Variants in PVT1 observed in about 807,000 individuals in gnomAD.
The protein encoded by PVT1 is Pvt1 oncogene, also known as CXCR4/PVT1 fusion.
At chr8:127,957,393 C>G (rs1361595093) in intron 3 of PVT1, among the ~76,000 whole-genome samples, 1 of 151,856 alleles carries the variant, frequency 6.6e-6, no homozygotes, top group African/African-American at 2.4e-5. Context: ...ATGGTGAAAC[C>G]CCATCTCTAT....
chr8:127,854,096 G>T (rs1054133607), intron 2 of PVT1, among the ~76,000 whole-genome samples: 1 of 152,212 alleles, frequency 6.6e-6, no homozygotes, highest in African/African-American at 2.4e-5. Flanking sequence ...CTCCGATCTA[G>T]CATGGCCTTG....
chr8:127,862,655 C>T (rs775155895), intron 2 of PVT1, among the ~76,000 whole-genome samples: 8 of 152,082 alleles, frequency 5.3e-5, no homozygotes, highest in Non-Finnish European at 1.0e-4. Flanking sequence ...CTCCTGGCCT[C>T]GGGCAATCCT....
At chr8:127,962,230 G>A (rs1237742244) in intron 3 of PVT1, among the ~76,000 whole-genome samples, 1 of 152,242 alleles carries the variant, frequency 6.6e-6, no homozygotes, top group East Asian at 1.9e-4. Flanking sequence ...CTCCCAAAGT[G>A]CTGGGATTAC....
intron 3 of PVT1, among the ~76,000 whole-genome samples, chr8:127,928,763 C>T (rs571580823): frequency 9.2e-5 from 14 of 152,204 alleles, no homozygotes; most frequent in Admixed American, 3.9e-4. Flanking sequence ...TGTCCTGCTG[C>T]GGTGGCTGCA....
At chr8:128,004,048 A>G (rs1290697588) in intron 4 of PVT1, among the ~76,000 whole-genome samples, 1 of 152,076 alleles carries the variant, frequency 6.6e-6, no homozygotes, top group African/African-American at 2.4e-5. Flanking sequence ...TCTTATAAGG[A>G]CACATATCCT....
intron 3 of PVT1, among the ~76,000 whole-genome samples, chr8:127,966,199 T>C (rs1816701197): frequency 6.6e-6 from 1 of 152,226 alleles, no homozygotes; most frequent in East Asian, 1.9e-4. Flanking sequence ...GTGTTGTTTT[T>C]GATCCTGCCA....
At chr8:128,021,904 A>G in intron 4 of PVT1, among the ~76,000 whole-genome samples, 1 of 152,064 alleles carries the variant, frequency 6.6e-6, no homozygotes, top group East Asian at 1.9e-4. Context: ...GGGAGAGTGC[A>G]GGGGTAGGGA....
intron 3 of PVT1, among the ~76,000 whole-genome samples, chr8:127,933,977 A>G (rs1816242882): frequency 6.6e-6 from 1 of 152,238 alleles, no homozygotes; most frequent in Admixed American, 6.5e-5. Context: ...CTAACTCTCA[A>G]CTAGCTGTGA....
intron 4 of PVT1, among the ~76,000 whole-genome samples, chr8:128,061,651 G>C (rs1014209260): frequency 1.3e-5 from 2 of 152,082 alleles, no homozygotes; most frequent in Non-Finnish European, 2.9e-5. Context: ...CTCATTATTC[G>C]TGTTTATCTT....
At chr8:127,919,230 A>G (rs541288237) in intron 3 of PVT1, among the ~76,000 whole-genome samples, 14 of 152,272 alleles carry the variant, frequency 9.2e-5, no homozygotes, top group Admixed American at 2.6e-4. Flanking sequence ...TTGGGCTGTT[A>G]TGGAGTGTGC....
At chr8:127,851,029 T>TA (rs1182091235) in intron 2 of PVT1, among the ~76,000 whole-genome samples, 1 of 141,226 alleles carries the variant, frequency 7.1e-6, no homozygotes, top group South Asian at 2.2e-4. Context: ...TAAAAAAAAA[T>TA]AAAAAAAGAT....
rs147951910 is a variant in PVT1 at position 128,051,414 on chromosome 8, G to C, written n.913-18746G>C. On this transcript the variant is annotated intron_variant and non_coding_transcript_variant, in intron 4 of 10. Transcript: ENST00000651587. The stretch of plus-strand genomic sequence containing the variant: ...GAATTTGGCTTTAATGTGCCTCAAT[G>C]AAGACCTCCTTATGTTTAATAAATT... Among the ~76,000 whole-genome samples the C allele has an allele frequency of 2.0e-3, 307 of 152,286 alleles. 1 individual carries two copies. The highest frequency in any genetic ancestry group is 6.5e-3 in the African/African-American group (270 of 41,548).
chr8:127,846,159 C>T (rs548681538), intron 2 of PVT1, among the ~76,000 whole-genome samples: 21 of 152,188 alleles, frequency 1.4e-4, no homozygotes, highest in Admixed American at 6.5e-4. Flanking sequence ...AGCTACTGAA[C>T]TAAGTGGTAA....
chr8:127,846,865 G>C (rs887855829), intron 2 of PVT1, among the ~76,000 whole-genome samples: 10 of 150,832 alleles, frequency 6.6e-5, no homozygotes, highest in Admixed American at 2.6e-4. Context: ...ATTTTTGGTA[G>C]AGATGGGGTT....
intron 4 of PVT1, among the ~76,000 whole-genome samples, chr8:128,063,754 G>A (rs1471548843): frequency 6.6e-6 from 1 of 152,178 alleles, no homozygotes; most frequent in Non-Finnish European, 1.5e-5. Flanking sequence ...TACAATTTCA[G>A]TTAGGTAGGA....
At chr8:127,872,214 G>A (rs927174905) in intron 2 of PVT1, among the ~76,000 whole-genome samples, 8 of 152,192 alleles carry the variant, frequency 5.3e-5, no homozygotes, top group Admixed American at 3.3e-4. Context: ...AGGAGTTCAA[G>A]ACCAGCCTGG....
At chr8:127,819,946 C>G (rs1232428847) in intron 2 of PVT1, among the ~76,000 whole-genome samples, 1 of 152,214 alleles carries the variant, frequency 6.6e-6, no homozygotes, top group Admixed American at 6.5e-5. Context: ...CAAGGATCAT[C>G]CGCATTCTTT....
chr8:128,021,347 A>G (rs978790796), intron 4 of PVT1, among the ~76,000 whole-genome samples: 5 of 128,414 alleles, frequency 3.9e-5, no homozygotes, highest in African/African-American at 1.5e-4. Flanking sequence ...AGGCTGGAGC[A>G]CGGTGGCGCA....
chr8:127,975,401 C>G (rs927848562), intron 3 of PVT1, among the ~76,000 whole-genome samples: 16 of 152,146 alleles, frequency 1.1e-4, no homozygotes, highest in Admixed American at 2.0e-4. Context: ...CTTAGTGAGG[C>G]CAATTTTCTT....
Sources: gnomAD v4.1 joint callset for allele counts (sites outside exome capture counted in the v4.1 genomes callset) on GRCh38, gnomAD v4.1.1 for gene constraint, MANE v1.5 for transcripts, NCBI Gene and HGNC (gene_info 2026-07-23, HGNC 2026-07-21) for gene names.